LRP1B: variants seen among roughly 807,000 people sequenced by gnomAD.
The protein encoded by LRP1B is LDL receptor related protein 1B.
LRP1B carries 217 observed loss-of-function variants against 556.6 expected under a neutral mutation model. The ratio of observed to expected loss-of-function variants is 0.39; its 90% confidence interval spans 0.35 to 0.44. The LOEUF is 0.44. Ranked by LOEUF, LRP1B falls within the 20% of genes least tolerant of loss-of-function variation. The pLI is 1.00. For missense variants in LRP1B, 5,053 were observed against 5,620.8 expected, an observed-to-expected ratio of 0.90 and a Z score of 3.23; for synonymous variants, 2,047 against 1,865.8, an observed-to-expected ratio of 1.10 and a Z score of -2.50.
At position 141,826,400 on chromosome 2, in the gene LRP1B, C is replaced by T. The variant is rs533781220; in HGVS notation, c.83-15999G>A. Among the ~76,000 whole-genome samples, 5 of 148,332 alleles carry T rather than the reference C, an allele frequency of 3.4e-5. No homozygotes were observed. In the East Asian group the frequency reaches 7.9e-4, roughly 23 times the overall value. The stretch of plus-strand genomic sequence containing the variant: ...TTTGAGACGGAGTCTCGCTCTGTCC[C>T]CCAGGCTGGAGTGCAGTGGCGCCAT... On this transcript the variant is annotated intron_variant, in intron 1 of 90. Coordinates refer to ENST00000389484, the MANE Select transcript of LRP1B (RefSeq NM_018557.3).
chr2:140,488,044 G>C (rs1243946336), intron 57 of LRP1B, among the ~76,000 whole-genome samples: 1 of 151,870 alleles, frequency 6.6e-6, no homozygotes, highest in African/African-American at 2.4e-5. Context: ...CTTTTAAGGA[G>C]ATAAAGTTTA....
At chr2:141,066,263 A>C (rs1388088703) in intron 7 of LRP1B, among the ~76,000 whole-genome samples, 1 of 151,994 alleles carries the variant, frequency 6.6e-6, no homozygotes, top group Non-Finnish European at 1.5e-5. Flanking sequence ...TTATCCCGTC[A>C]GATATGGGAA....
Position 141,750,220 on chromosome 2 carries a change from T to C in LRP1B, c.205+60059A>G, listed in dbSNP as rs555233549. Among the ~76,000 whole-genome samples the C allele has an allele frequency of 2.4e-4, 36 of 152,258 alleles. No individual in the cohort carries two copies. The South Asian group carries it at 7.5e-3, about 32-fold the overall frequency. On this transcript the variant is annotated intron_variant, in intron 2 of 90. Transcript: ENST00000389484. ...GTATAACAACTTGAGGAGGTCTTCA[T>C]TGGGAACTTCTTTTCTCTAACTTTG...
chr2:141,564,792 T>A (rs1184953599), intron 2 of LRP1B, among the ~76,000 whole-genome samples: 1 of 152,072 alleles, frequency 6.6e-6, no homozygotes, highest in South Asian at 2.1e-4. Flanking sequence ...CTCTAATGAT[T>A]TATACTGTGG....
chr2:141,006,215 G>A lies in LRP1B; in HGVS notation c.2381-758C>T, dbSNP rs182188559. Among the ~76,000 whole-genome samples the A allele has an allele frequency of 4.0e-3, 602 of 152,104 alleles. 4 individuals carry two copies. The highest frequency in any genetic ancestry group is 0.014 in the African/African-American group (583 of 41,528). On this transcript the variant is annotated intron_variant, in intron 14 of 90. Transcript: ENST00000389484. Reference sequence around the variant, plus strand: ...TAGTCATAGTGATGTTTCAGTAAACGTAATGTATAGTAATCAGATCAGGGT... The same window carrying A: ...TAGTCATAGTGATGTTTCAGTAAACATAATGTATAGTAATCAGATCAGGGT...
At chr2:141,918,537 G>T (rs564115783) in intron 1 of LRP1B, among the ~76,000 whole-genome samples, 1 of 151,790 alleles carries the variant, frequency 6.6e-6, no homozygotes, top group Admixed American at 6.6e-5. Flanking sequence ...CTGCTATGAG[G>T]GCATACTCTT....
intron 11 of LRP1B, among the ~76,000 whole-genome samples, chr2:141,033,127 G>A (rs895455651): frequency 3.3e-5 from 5 of 151,810 alleles, no homozygotes; most frequent in African/African-American, 7.3e-5. Context: ...AAAACAGCAC[G>A]TGGTAAAGGC....
chr2:140,895,568 C>T (rs1693930772), intron 23 of LRP1B, among the ~76,000 whole-genome samples: 1 of 152,170 alleles, frequency 6.6e-6, no homozygotes, highest in Admixed American at 6.5e-5. Flanking sequence ...ACCGTGCGCT[C>T]TTTTACTTTG....
intron 21 of LRP1B, among the ~76,000 whole-genome samples, chr2:140,922,281 T>TAC (rs10598952): frequency 2.7e-4 from 40 of 150,204 alleles, no homozygotes; most frequent in East Asian, 1.4e-3. Flanking sequence ...CCTATTTGTA[T>TAC]ACACACACAC....
chr2:142,056,753 GTTGT>G (rs200837996), intron 1 of LRP1B, among the ~76,000 whole-genome samples: 90,811 of 151,360 alleles, frequency 0.6, 28,524 homozygotes, highest in East Asian at 0.68. Flanking sequence ...ATAATCAGCT[GTTGT>G]TTAATTTAAT....
intron 76 of LRP1B, among the ~76,000 whole-genome samples, chr2:140,352,559 A>G (rs1404532307): frequency 6.6e-6 from 1 of 152,126 alleles, no homozygotes; most frequent in Admixed American, 6.6e-5. Context: ...AACCTTTAAA[A>G]TCCTTACTCA....
At chr2:142,034,290 A>T (rs1052349890) in intron 1 of LRP1B, among the ~76,000 whole-genome samples, 1 of 151,776 alleles carries the variant, frequency 6.6e-6, no homozygotes, top group Non-Finnish European at 1.5e-5. Flanking sequence ...TTTTCGAATA[A>T]ACTATTAATA....
chr2:140,674,012 A>G (rs985995333), intron 41 of LRP1B, among the ~76,000 whole-genome samples: 3 of 148,690 alleles, frequency 2.0e-5, no homozygotes, highest in African/African-American at 7.5e-5. Context: ...GCAATGGGGC[A>G]ACTCTGGCTC....
At chr2:141,126,039 T>TC (rs1701200223) in intron 7 of LRP1B, among the ~76,000 whole-genome samples, 1 of 62,262 alleles carries the variant, frequency 1.6e-5, no homozygotes, top group Non-Finnish European at 5.2e-5. Context: ...TTCCTTTTAT[T>TC]TTTTTTTTTT....
rs2105420282 is a variant in LRP1B at position 140,700,367 on chromosome 2, C to T, written c.6682G>A (p.Ala2228Thr). The T allele has an allele frequency of 6.2e-7, 1 of 1,613,244 alleles. No homozygotes were observed. The highest frequency in any genetic ancestry group is 8.5e-7 in the Non-Finnish European group (1 of 1,179,620). Residue 2228 changes from alanine to threonine, a missense_variant, in exon 41 of 91, where the codon GCT (alanine) becomes ACT (threonine). Ala to Thr is a moderately conservative substitution (Grantham distance 58, BLOSUM62 0). This residue lies in a region of LRP1B where 3,619 missense variants were observed against 3,931.9 expected (regional missense o/e 0.92). Coordinates refer to ENST00000389484, the MANE Select transcript of LRP1B (RefSeq NM_018557.3). ...PRYFKNVIAL[A>T]FDYNQRRKGT... ...TTTCTTCTTTGATTATAGTCAAAAG[C>T]CAAGGCTATGACATTCTTGAAATAA...
chr2:141,463,611 AT>A (rs1682027341), intron 3 of LRP1B, among the ~76,000 whole-genome samples: 1 of 110,390 alleles, frequency 9.1e-6, no homozygotes, highest in African/African-American at 4.1e-5. Context: ...TATATTATAT[AT>A]AATTATGTAT....
chr2:141,767,607 A>C (rs1337652650), intron 2 of LRP1B, among the ~76,000 whole-genome samples: 1 of 152,020 alleles, frequency 6.6e-6, no homozygotes, highest in Non-Finnish European at 1.5e-5. Flanking sequence ...TCTTTCCCTC[A>C]GGTTGCTAAA....
intron 78 of LRP1B, among the ~76,000 whole-genome samples, chr2:140,335,284 C>T (rs682371): frequency 0.44 from 67,181 of 151,338 alleles, 15,403 homozygotes; most frequent in Non-Finnish European, 0.51. Context: ...TTTGATATTA[C>T]GTTTAATATT....
intron 43 of LRP1B, among the ~76,000 whole-genome samples, chr2:140,567,001 A>C (rs1266231782): frequency 6.6e-6 from 1 of 151,786 alleles, no homozygotes; most frequent in African/African-American, 2.4e-5. Flanking sequence ...AACCTGGGGA[A>C]TTGGTAGCTT....
Sources: allele counts gnomAD v4.1 joint callset (sites outside exome capture counted in the v4.1 genomes callset), GRCh38; gene constraint gnomAD v4.1.1; regional missense constraint gnomAD v4.1.1; transcripts MANE v1.5; gene names NCBI Gene and HGNC (gene_info 2026-07-23, HGNC 2026-07-21).